ZNF91: variants seen among roughly 807,000 people sequenced by gnomAD.
ZNF91 encodes zinc finger protein 91 (HPF7, HTF10).
A neutral mutation model predicts 12.6 loss-of-function variants in ZNF91; 7 were observed. The observed-to-expected ratio is 0.55, with a 90% CI of 0.31 to 1.04. The LOEUF is 1.04. Ranked by LOEUF, ZNF91 falls within the 50% of genes least tolerant of loss-of-function variation. The pLI is 0.05. For synonymous variants in ZNF91, 453 were observed against 462.6 expected (o/e 0.98, Z 0.27); for missense variants, 1,217 against 1,385.4 (o/e 0.88, Z 1.93).
At chr19:23,376,680 C>A (rs1051857964) in intron 1 of ZNF91, among the ~76,000 whole-genome samples, 2 of 152,098 alleles carry the variant, frequency 1.3e-5, no homozygotes, top group African/African-American at 4.8e-5. Context: ...TGAGCCACCA[C>A]GCCTGGCCTA....
Position 23,362,659 on chromosome 19 carries a change from A to G in ZNF91, c.320T>C (p.Val107Ala). Residue 107 changes from valine to alanine, a missense_variant, in exon 4 of 4, where the codon GTA becomes GCA. Transcript: ENST00000300619. Reference protein sequence around the residue: ...EQSMEDSFQKVLLRKYEKCGH... With the variant: ...EQSMEDSFQKALLRKYEKCGH... Reference sequence around the variant, plus strand: ...ACATTTTTCATATTTTCTCAGTAATACTTTTTGAAAAGAATCTTCCATGCT... The same window carrying G: ...ACATTTTTCATATTTTCTCAGTAATGCTTTTTGAAAAGAATCTTCCATGCT... 1.3e-6 allele frequency: 2 copies of G among 1,557,034 alleles called. No homozygotes were observed. Among genetic ancestry groups the G allele is most frequent in the Non-Finnish European group, 1.7e-6 (2 of 1,158,452 alleles).
At chr19:23,363,795 C>A (rs571975513) in intron 3 of ZNF91, among the ~76,000 whole-genome samples, 1 of 151,366 alleles carries the variant, frequency 6.6e-6, no homozygotes, top group Non-Finnish European at 1.5e-5. Context: ...TATGGAAAAT[C>A]GGAAAAATGA....
intron 1 of ZNF91, among the ~76,000 whole-genome samples, chr19:23,319,798 T>C (rs1008900063): frequency 6.6e-6 from 1 of 152,142 alleles, no homozygotes; most frequent in Non-Finnish European, 1.5e-5. Flanking sequence ...TTACTCCCAA[T>C]CCATGAGTGA....
chr19:23,383,140 C>T (rs1354520647), intron 1 of ZNF91, among the ~76,000 whole-genome samples: 3 of 152,126 alleles, frequency 2.0e-5, no homozygotes, highest in Admixed American at 1.3e-4. Context: ...AGCTAACCCA[C>T]TATGAGCAAG....
At chr19:23,334,601 G>C (rs1359432611), downstream of ZNF91, among the ~76,000 whole-genome samples, 6 of 152,142 alleles carry the variant, frequency 3.9e-5, no homozygotes, top group African/African-American at 1.4e-4. Context: ...AATTCAATTA[G>C]ACAATGTTTA....
At chr19:23,362,752 A>C (rs766820088) in intron 3 of ZNF91, 27 bp from the exon 4 acceptor site, 1 of 1,414,990 alleles carries the variant, frequency 7.1e-7, no homozygotes, top group Non-Finnish European at 9.2e-7. Context: ...AAAAATAATA[A>C]ATTACTCCAC....
chr19:23,372,447 G>C, intron 3 of ZNF91, among the ~76,000 whole-genome samples: 1 of 152,182 alleles, frequency 6.6e-6, no homozygotes, highest in Middle Eastern at 3.2e-3. Flanking sequence ...CTTTAAGAGA[G>C]CTCTGAGATC....
intron 3 of ZNF91, among the ~76,000 whole-genome samples, chr19:23,343,574 T>G (rs1968164590): frequency 6.6e-6 from 1 of 152,218 alleles, no homozygotes; most frequent in African/African-American, 2.4e-5. Flanking sequence ...TGAGTTTGAG[T>G]GCAGGTGCAC....
At chr19:23,391,030 G>A (rs1008719405) in intron 1 of ZNF91, among the ~76,000 whole-genome samples, 14 of 152,300 alleles carry the variant, frequency 9.2e-5, no homozygotes, top group African/African-American at 2.6e-4. Flanking sequence ...CCCAGTGATG[G>A]GGTTGCTTGG....
downstream of ZNF91, among the ~76,000 whole-genome samples, chr19:23,353,623 A>C (rs1340087102): frequency 6.8e-6 from 1 of 146,924 alleles, no homozygotes; most frequent in African/African-American, 2.6e-5. Flanking sequence ...GAACTAAATA[A>C]AATTCAAACA....
In ZNF91 at chr19:23,359,938, C is replaced by A; in HGVS notation, c.3041G>T (p.Arg1014Met). ...GTATGGTTTCTCTCCAGTGTGCATC[C>A]TCGTATGTCTAGTTAGGGTTGAGGA... is the stretch of plus-strand genomic sequence containing the variant. ...SQSSTLTRHT[R>M]MHTGEKPYKC... The change falls in exon 4 of 4, where the codon AGG becomes ATG. Residue 1014 changes from arginine (R) to methionine (M), a missense_variant. Around this residue, in one of 2 missense-constraint regions of ZNF91, gnomAD observed 491 missense variants for 489.8 expected, o/e 1.00. Transcript: ENST00000300619. The A allele has an allele frequency of 1.2e-6, 2 of 1,610,636 alleles. No individual in the cohort carries two copies. Among genetic ancestry groups the A allele is most frequent in the Non-Finnish European group, 1.7e-6 (2 of 1,178,754 alleles).
chr19:23,382,685 A>T (rs2145121953), intron 1 of ZNF91, among the ~76,000 whole-genome samples: 1 of 152,336 alleles, frequency 6.6e-6, no homozygotes, highest in Non-Finnish European at 1.5e-5. Context: ...CAGAGATATT[A>T]CCACTGACCC....
At chr19:23,348,126 A>G (rs1968275019) in intron 3 of ZNF91, among the ~76,000 whole-genome samples, 1 of 152,166 alleles carries the variant, frequency 6.6e-6, no homozygotes, top group Non-Finnish European at 1.5e-5. Flanking sequence ...GGCAAAGTTG[A>G]AAAAAATTAC....
At chr19:23,338,385 A>C (rs1968055243), downstream of ZNF91, 1 of 151,406 alleles carries the variant, frequency 6.6e-6, no homozygotes, top group Non-Finnish European at 1.5e-5. Context: ...AAAAAAAGAA[A>C]ACTGCCAGCC....
intron 3 of ZNF91, among the ~76,000 whole-genome samples, 172 bp downstream of exon 3, chr19:23,373,570 T>TA (rs1969381382): frequency 6.6e-6 from 1 of 151,960 alleles, no homozygotes; most frequent in South Asian, 2.1e-4. Flanking sequence ...GTAGAATTCT[T>TA]AGAGATTTTA....
At chr19:23,309,675 C>G (rs1205277377) in intron 1 of ZNF91, among the ~76,000 whole-genome samples, 2 of 152,118 alleles carry the variant, frequency 1.3e-5, no homozygotes, top group Non-Finnish European at 2.9e-5. Flanking sequence ...AATAATGACT[C>G]TAATATTTTG....
intron 1 of ZNF91, among the ~76,000 whole-genome samples, chr19:23,381,197 T>A (rs1205115858): frequency 6.6e-6 from 1 of 152,146 alleles, no homozygotes; most frequent in Non-Finnish European, 1.5e-5. Flanking sequence ...TTTTAAAAAA[T>A]TTTCTGCAAC....
At chr19:23,324,143 CTCT>C (rs1044059082) in intron 1 of ZNF91, 5 of 150,316 alleles carry the variant, frequency 3.3e-5, no homozygotes, top group African/African-American at 9.9e-5. Context: ...TCCTCTCGTC[CTCT>C]TCTCTTTTCC....
chr19:23,349,487 C>G (rs1489543532), intron 3 of ZNF91, among the ~76,000 whole-genome samples: 1 of 152,206 alleles, frequency 6.6e-6, no homozygotes, highest in African/African-American at 2.4e-5. Flanking sequence ...AGATTCTGAG[C>G]CATTCAGGAA....
Sources: allele counts gnomAD v4.1 joint callset (sites outside exome capture counted in the v4.1 genomes callset), GRCh38; gene constraint gnomAD v4.1.1; regional missense constraint gnomAD v4.1.1; transcripts MANE v1.5; gene names NCBI Gene and HGNC (gene_info 2026-07-23, HGNC 2026-07-21).